MAF: variants seen among roughly 807,000 people sequenced by gnomAD.
MAF encodes the protein transcription factor Maf.
Under a neutral mutation model 22.0 loss-of-function variants are expected in MAF, and 10 were observed. The observed-to-expected ratio is 0.45, with a 90% CI of 0.28 to 0.77. The LOEUF (loss-of-function observed/expected upper bound fraction) is 0.77, where lower values mean the gene tolerates loss of function less well. Ranked by LOEUF, MAF falls within the 30% of genes least tolerant of loss-of-function variation. The probability of loss-of-function intolerance (pLI) is 0.12; values close to 1 mark genes in which losing one functional copy is unlikely to be tolerated. For missense variants in MAF, 544 were observed against 548.4 expected (o/e 0.99, Z 0.08); for synonymous variants, 337 against 255.8 (o/e 1.32, Z -3.03).
the MAF span, among the ~76,000 whole-genome samples, chr16:79,241,711 C>G: frequency 6.6e-6 from 1 of 152,002 alleles, no homozygotes; most frequent in East Asian, 1.9e-4. Context: ...AGATACTCCT[C>G]GAGAAGAGCA....
At chr16:79,331,275 C>G in the MAF span, among the ~76,000 whole-genome samples, 12 of 152,148 alleles carry the variant, frequency 7.9e-5, no homozygotes, top group Admixed American at 1.3e-4. Context: ...TCCCATCAGT[C>G]AACATATACA....
chr16:79,217,976 G>A, the MAF span, among the ~76,000 whole-genome samples: 5 of 94,266 alleles, frequency 5.3e-5, no homozygotes, highest in Middle Eastern at 0.015. Flanking sequence ...ACCATTTTTA[G>A]AAGCTTATGT....
At chr16:79,220,461 A>G in the MAF span, among the ~76,000 whole-genome samples, 1 of 152,096 alleles carries the variant, frequency 6.6e-6, no homozygotes, top group Non-Finnish European at 1.5e-5. Context: ...TATTCCATAT[A>G]CACCTTGATA....
chr16:79,556,473 C>A, the MAF span, among the ~76,000 whole-genome samples: 6 of 152,106 alleles, frequency 3.9e-5, no homozygotes, highest in Non-Finnish European at 5.9e-5. Context: ...GTTGCCTGAA[C>A]CCACAATAAT....
At chr16:79,351,588 G>C in the MAF span, among the ~76,000 whole-genome samples, 1 of 152,064 alleles carries the variant, frequency 6.6e-6, no homozygotes, top group Non-Finnish European at 1.5e-5. Context: ...GAGTCACAGA[G>C]CCCAGAGACC....
chr16:79,547,904 GAGAGAGAGAGAGAGAT>G, the MAF span, among the ~76,000 whole-genome samples: 2 of 134,992 alleles, frequency 1.5e-5, no homozygotes, highest in African/African-American at 2.7e-5. Context: ...GTGTGTGTGA[GAGAGAGAGAGAGAGAT>G]AGAGAGAGAG....
chr16:79,588,481 C>A (rs1475243030), intron 1 of MAF, among the ~76,000 whole-genome samples: 1 of 152,026 alleles, frequency 6.6e-6, no homozygotes, highest in Admixed American at 6.6e-5. Context: ...TTTGCCCAGG[C>A]TTGAGTGCAG....
At chr16:79,249,229 G>C in the MAF span, among the ~76,000 whole-genome samples, 3 of 152,252 alleles carry the variant, frequency 2.0e-5, no homozygotes, top group Admixed American at 1.3e-4. Flanking sequence ...AGACCAGCCT[G>C]ACCAACATGA....
the MAF span, chr16:79,205,499 G>A: frequency 3.3e-5 from 5 of 152,334 alleles, no homozygotes; most frequent in African/African-American, 1.2e-4. Context: ...AGGGCTAAGA[G>A]TTGGCATGGG....
the MAF span, among the ~76,000 whole-genome samples, chr16:79,388,211 A>T: frequency 1.3e-5 from 2 of 150,742 alleles, no homozygotes; most frequent in African/African-American, 4.9e-5. Flanking sequence ...AAACTTGGCT[A>T]CATCCATTTG....
chr16:79,310,021 G>A, the MAF span, among the ~76,000 whole-genome samples: 12 of 152,216 alleles, frequency 7.9e-5, no homozygotes, highest in South Asian at 2.1e-4. Context: ...GGCAAGCAGC[G>A]GTCAGTTAGC....
At chr16:79,572,066 A>G in the MAF span, among the ~76,000 whole-genome samples, 5 of 152,240 alleles carry the variant, frequency 3.3e-5, no homozygotes, top group African/African-American at 1.2e-4. Context: ...TTTTCTGTCA[A>G]TGGCTTAAGG....
the MAF span, among the ~76,000 whole-genome samples, chr16:79,249,111 G>A: frequency 6.6e-6 from 1 of 152,114 alleles, no homozygotes; most frequent in East Asian, 1.9e-4. Context: ...TACATGGATG[G>A]ATTAGTGCCT....
chr16:79,393,454 T>C, the MAF span, among the ~76,000 whole-genome samples: 76 of 152,374 alleles, frequency 5.0e-4, no homozygotes, highest in African/African-American at 1.8e-3. Flanking sequence ...TAGGACCTTC[T>C]TTCTGAGTCT....
At chr16:79,572,553 G>A in the MAF span, among the ~76,000 whole-genome samples, 1 of 152,178 alleles carries the variant, frequency 6.6e-6, no homozygotes, top group African/African-American at 2.4e-5. Flanking sequence ...TACCTGGACG[G>A]TTTCACATTT....
chr16:79,416,338 G>C, the MAF span, among the ~76,000 whole-genome samples: 1 of 152,152 alleles, frequency 6.6e-6, no homozygotes, highest in African/African-American at 2.4e-5. Flanking sequence ...TCTGTGACAA[G>C]CTCCATGTCA....
At chr16:79,546,247 TTTAAACACTATTGA>T in the MAF span, among the ~76,000 whole-genome samples, 1 of 152,004 alleles carries the variant, frequency 6.6e-6, no homozygotes, top group Admixed American at 6.6e-5. Flanking sequence ...GTCATCTTAA[TTTAAACACTATTGA>T]TTGGTAACCC....
chr16:79,228,060 C>A, the MAF span, among the ~76,000 whole-genome samples: 2 of 152,058 alleles, frequency 1.3e-5, no homozygotes, highest in African/African-American at 4.8e-5. Flanking sequence ...CGCACCACCA[C>A]ACGCAGCTAA....
At chr16:79,587,198 C>T (rs1031166362) in intron 1 of MAF, among the ~76,000 whole-genome samples, 2 of 152,172 alleles carry the variant, frequency 1.3e-5, no homozygotes, top group African/African-American at 4.8e-5. Flanking sequence ...TGCGTTTATT[C>T]ACATTTTGTA....
Sources: gnomAD v4.1 joint callset for allele counts (sites outside exome capture counted in the v4.1 genomes callset) on GRCh38, gnomAD v4.1.1 for gene constraint, MANE v1.5 for transcripts, NCBI Gene and HGNC (gene_info 2026-07-23, HGNC 2026-07-21) for gene names.